Variants in IPCEF1 observed in about 807,000 individuals in gnomAD.
IPCEF1 encodes the protein interactor protein for cytohesin exchange factors 1.
IPCEF1 carries 31 observed loss-of-function variants against 50.9 expected under a neutral mutation model. The observed-to-expected ratio is 0.61, with a 90% CI of 0.46 to 0.82. The LOEUF is 0.82. Ranked by LOEUF, IPCEF1 falls within the 40% of genes least tolerant of loss-of-function variation. The pLI is 0.00. For missense variants in IPCEF1, 458 were observed against 514.0 expected (o/e 0.89, Z 1.05); for synonymous variants, 181 against 192.0 (o/e 0.94, Z 0.47).
At chr6:154,214,594 T>A (rs566601971) in intron 7 of IPCEF1, among the ~76,000 whole-genome samples, 7 of 152,348 alleles carry the variant, frequency 4.6e-5, no homozygotes, top group African/African-American at 1.4e-4. Context: ...TTAGCAACCA[T>A]CAAATCCTTT....
At chr6:154,264,407 T>G (rs963290342) in intron 3 of IPCEF1, among the ~76,000 whole-genome samples, 7 of 152,082 alleles carry the variant, frequency 4.6e-5, no homozygotes, top group African/African-American at 1.2e-4. Flanking sequence ...GGAGTAACCC[T>G]TTGTTGCCCA....
intron 5 of IPCEF1, among the ~76,000 whole-genome samples, chr6:154,229,452 C>A (rs1387424509): frequency 6.6e-6 from 1 of 151,156 alleles, no homozygotes; most frequent in Non-Finnish European, 1.5e-5. Context: ...TGGGTTCACG[C>A]CATTCTCCCG....
At chr6:154,175,078 T>TA (rs1800202317) in intron 10 of IPCEF1, among the ~76,000 whole-genome samples, 1 of 152,056 alleles carries the variant, frequency 6.6e-6, no homozygotes, top group African/African-American at 2.4e-5. Flanking sequence ...GACTACTGGG[T>TA]AAATAACAAA....
intron 10 of IPCEF1, among the ~76,000 whole-genome samples, chr6:154,179,982 GT>G (rs1699347156): frequency 6.6e-6 from 1 of 152,126 alleles, no homozygotes; most frequent in Non-Finnish European, 1.5e-5. Flanking sequence ...CATACTTTGA[GT>G]AGCAAGGCCA....
intron 10 of IPCEF1, among the ~76,000 whole-genome samples, chr6:154,198,115 T>C (rs1312409788): frequency 6.6e-6 from 1 of 152,184 alleles, no homozygotes; most frequent in Non-Finnish European, 1.5e-5. Context: ...AGACCTCCAG[T>C]GATAAGGAAT....
rs35057244 is a variant in IPCEF1, at chr6:154,255,534, T to C, written c.37-8046A>G. Reference sequence around the variant, plus strand: ...ACTTATCTTTATTTATACTGCTCAATCCTCTGAGTGAAGCTTTAATTGATA... The same window carrying C: ...ACTTATCTTTATTTATACTGCTCAACCCTCTGAGTGAAGCTTTAATTGATA... On this transcript the variant is annotated intron_variant, in intron 3 of 11. Transcript: ENST00000367220. 5.4e-3 allele frequency among the ~76,000 whole-genome samples: 826 copies of C among 152,318 alleles called. 17 individuals are homozygous for C. Among genetic ancestry groups the C allele is most frequent in the East Asian group, 0.025 (132 of 5,186 alleles).
At chr6:154,222,604 A>C (rs529692679) in intron 6 of IPCEF1, among the ~76,000 whole-genome samples, 2 of 152,220 alleles carry the variant, frequency 1.3e-5, no homozygotes. Flanking sequence ...GCAGGTCACA[A>C]ACTCTTTGGG....
At chr6:154,338,532 T>A (rs1783837181) in intron 1 of IPCEF1, among the ~76,000 whole-genome samples, 2 of 152,334 alleles carry the variant, frequency 1.3e-5, no homozygotes, top group South Asian at 4.1e-4. Flanking sequence ...CACTGATGTA[T>A]GAGTTAGACA....
chr6:154,154,837 A>G lies in IPCEF1; in HGVS notation c.*4991T>C, dbSNP rs1380307669. Reference sequence around the variant, plus strand: ...GGTAGCTGACACAGGATGAGAGCACAGTAAAACTTAAGCTAAGATTTCCAC... The same window carrying G: ...GGTAGCTGACACAGGATGAGAGCACGGTAAAACTTAAGCTAAGATTTCCAC... On this transcript the variant is annotated 3_prime_UTR_variant, in exon 12 of 12. Transcript: ENST00000367220. 6.6e-5 allele frequency: 10 copies of G among 152,648 alleles called. No homozygotes were observed. Among genetic ancestry groups the G allele is most frequent in the Admixed American group, 3.9e-4 (6 of 15,288 alleles). 9.5% of individuals were successfully genotyped at this position (152,648 alleles called of 1,614,324 possible).
intron 6 of IPCEF1, 122 bp from the exon 7 acceptor site, chr6:154,221,450 A>AG: frequency 1.3e-6 from 1 of 761,196 alleles, no homozygotes; most frequent in Non-Finnish European, 2.1e-6. Context: ...AAATTTACAA[A>AG]AAATAATTTA....
At chr6:154,331,405 A>AAGAAAGAAAGAAAGAAAGAG (rs60403800) in intron 1 of IPCEF1, among the ~76,000 whole-genome samples, 4,438 of 92,540 alleles carry the variant, frequency 0.048, 158 homozygotes, top group South Asian at 0.095. Context: ...GAAAGAAAGA[A>AAGAAAGAAAGAAAGAAAGAG]AGAGAGAGAA....
intron 1 of IPCEF1, among the ~76,000 whole-genome samples, chr6:154,351,161 G>A (rs1047375061): frequency 6.6e-6 from 1 of 152,188 alleles, no homozygotes; most frequent in South Asian, 2.1e-4. Context: ...CGGTGTTCCC[G>A]CTAAAAAATT....
intron 9 of IPCEF1, among the ~76,000 whole-genome samples, chr6:154,201,582 G>A (rs533912592): frequency 6.6e-6 from 1 of 152,274 alleles, no homozygotes; most frequent in Non-Finnish European, 1.5e-5. Context: ...GGACATGCCT[G>A]TCAACATCAA....
intron 10 of IPCEF1, among the ~76,000 whole-genome samples, chr6:154,183,132 A>T (rs1488486366): frequency 6.6e-6 from 1 of 152,124 alleles, no homozygotes; most frequent in Non-Finnish European, 1.5e-5. Context: ...GGTGTGTGCC[A>T]CCACACCCGG....
At chr6:154,349,305 C>A in intron 1 of IPCEF1, among the ~76,000 whole-genome samples, 1 of 151,840 alleles carries the variant, frequency 6.6e-6, no homozygotes, top group East Asian at 1.9e-4. Context: ...GATCCTCCTG[C>A]CTCCATCTCC....
chr6:154,341,833 A>G (rs1783924546), intron 1 of IPCEF1, among the ~76,000 whole-genome samples: 1 of 152,230 alleles, frequency 6.6e-6, no homozygotes, highest in South Asian at 2.1e-4. Flanking sequence ...AAACCTTAAT[A>G]ATTTATAATG....
intron 2 of IPCEF1, among the ~76,000 whole-genome samples, chr6:154,274,625 G>A (rs1331357779): frequency 6.6e-6 from 1 of 152,222 alleles, no homozygotes; most frequent in Non-Finnish European, 1.5e-5. Flanking sequence ...GCTCCCCTGA[G>A]TTGCTGAACT....
At chr6:154,287,992 T>C (rs1162019215) in intron 2 of IPCEF1, among the ~76,000 whole-genome samples, 1 of 152,234 alleles carries the variant, frequency 6.6e-6, no homozygotes, top group East Asian at 1.9e-4. Context: ...AGTAAATGCG[T>C]ATCTTTTATA....
chr6:154,230,792 T>C (rs1712112412), intron 5 of IPCEF1, among the ~76,000 whole-genome samples: 1 of 152,208 alleles, frequency 6.6e-6, no homozygotes, highest in Non-Finnish European at 1.5e-5. Flanking sequence ...AGAATCTATG[T>C]ATATTTTCAT....
Sources: allele counts gnomAD v4.1 joint callset (sites outside exome capture counted in the v4.1 genomes callset), GRCh38; gene constraint gnomAD v4.1.1; transcripts MANE v1.5; gene names NCBI Gene and HGNC (gene_info 2026-07-23, HGNC 2026-07-21).